Variants in BTBD9 observed in about 807,000 individuals in gnomAD.
The protein encoded by BTBD9 is BTB domain containing 9.
In BTBD9, 49 loss-of-function variants were observed where a neutral mutation model predicts 64.3. The ratio of observed to expected loss-of-function variants is 0.76; its 90% CI spans 0.61 to 0.97. The LOEUF (loss-of-function observed/expected upper bound fraction) is 0.97, where lower values mean the gene tolerates loss of function less well. BTBD9 is among the 50% of genes least tolerant of loss of function. The pLI, the probability that BTBD9 is intolerant of heterozygous loss-of-function variation, is 0.00. For synonymous variants in BTBD9, 260 were observed against 274.7 expected, an observed-to-expected ratio of 0.95 and a Z score of 0.53; for missense variants, 598 against 762.1, an observed-to-expected ratio of 0.78 and a Z score of 2.53.
chr6:38,493,290 G>A (rs1771785310), intron 6 of BTBD9, among the ~76,000 whole-genome samples: 2 of 152,176 alleles, frequency 1.3e-5, no homozygotes, highest in Admixed American at 1.3e-4. Context: ...CGTGTTACCT[G>A]GTTTTGACTT....
chr6:38,590,924 T>C (rs1582684220), intron 4 of BTBD9, among the ~76,000 whole-genome samples: 2 of 152,222 alleles, frequency 1.3e-5, no homozygotes, highest in Admixed American at 6.5e-5. Flanking sequence ...TTTTTTTCCA[T>C]TGTATCCGTT....
At chr6:38,195,628 G>C (rs1287818488) in intron 9 of BTBD9, among the ~76,000 whole-genome samples, 2 of 152,236 alleles carry the variant, frequency 1.3e-5, no homozygotes, top group South Asian at 2.1e-4. Context: ...AATAACACCA[G>C]TCACCTGCTC....
At chr6:38,302,519 ATAT>A (rs1250261195) in intron 7 of BTBD9, among the ~76,000 whole-genome samples, 6 of 109,614 alleles carry the variant, frequency 5.5e-5, no homozygotes, top group African/African-American at 1.3e-4. Flanking sequence ...ATATATATAT[ATAT>A]ATCACATTCT....
At chr6:38,324,969 G>A (rs1376742645) in intron 7 of BTBD9, among the ~76,000 whole-genome samples, 1 of 152,124 alleles carries the variant, frequency 6.6e-6, no homozygotes, top group African/African-American at 2.4e-5. Flanking sequence ...TTGTGAGACT[G>A]TTGCAAGGGT....
At chr6:38,287,511 A>G (rs913564269) in intron 8 of BTBD9, among the ~76,000 whole-genome samples, 13 of 152,192 alleles carry the variant, frequency 8.5e-5, no homozygotes, top group Admixed American at 7.2e-4. Context: ...GTTCAGATAC[A>G]CAAATACTTA....
At chr6:38,244,933 C>T (rs531648156) in intron 9 of BTBD9, among the ~76,000 whole-genome samples, 1 of 152,354 alleles carries the variant, frequency 6.6e-6, no homozygotes, top group Non-Finnish European at 1.5e-5. Flanking sequence ...ATAAACTCTT[C>T]CTTGCGCTTT....
At chr6:38,327,017 T>C (rs779700684) in intron 7 of BTBD9, among the ~76,000 whole-genome samples, 5 of 152,206 alleles carry the variant, frequency 3.3e-5, no homozygotes, top group Admixed American at 2.0e-4. Context: ...CACAGCTTCA[T>C]GGAAAACAAC....
chr6:38,353,337 A>C (rs1021504940), intron 6 of BTBD9, among the ~76,000 whole-genome samples: 1 of 151,792 alleles, frequency 6.6e-6, no homozygotes, highest in Non-Finnish European at 1.5e-5. Flanking sequence ...TGTAATTTTC[A>C]AGGGATTATA....
intron 8 of BTBD9, among the ~76,000 whole-genome samples, chr6:38,267,214 G>T (rs1255882194): frequency 6.6e-6 from 1 of 152,210 alleles, no homozygotes; most frequent in African/African-American, 2.4e-5. Flanking sequence ...AATGTAAAAG[G>T]CCAGAATCAG....
chr6:38,623,042 C>T (rs1194088442), intron 1 of BTBD9, among the ~76,000 whole-genome samples: 1 of 152,186 alleles, frequency 6.6e-6, no homozygotes, highest in South Asian at 2.1e-4. Context: ...TCCCAACACC[C>T]CTTTCCAGCC....
intron 6 of BTBD9, among the ~76,000 whole-genome samples, chr6:38,564,009 C>G (rs1372177963): frequency 3.9e-5 from 6 of 152,078 alleles, no homozygotes; most frequent in African/African-American, 1.2e-4. Flanking sequence ...GTATCAATCT[C>G]CTGACCTTGT....
intron 6 of BTBD9, among the ~76,000 whole-genome samples, chr6:38,493,225 G>A (rs750255755): frequency 4.8e-4 from 73 of 152,330 alleles, no homozygotes; most frequent in Middle Eastern, 6.8e-3. Flanking sequence ...ACACAGAACT[G>A]TAATAGGTAG....
At position 38,311,496 on chromosome 6, in the gene BTBD9, G is replaced by A. The variant is rs547229546; in HGVS notation, c.1265-23035C>T. Among the ~76,000 whole-genome samples, 25 of 152,220 alleles carry A rather than the reference G, an allele frequency of 1.6e-4. No individual in the cohort carries two copies. In the East Asian group the frequency reaches 1.9e-3, roughly 12 times the overall value. On this transcript the variant is annotated intron_variant, in intron 7 of 10. Coordinates refer to ENST00000481247, the MANE Select transcript of BTBD9 (RefSeq NM_001099272.2). ...ATTCATCTATTGATGGAGACTTAACGTTGCTTCCAAATCTTGGCTATTGTG... is the reference window on the plus strand; with the variant it reads ...ATTCATCTATTGATGGAGACTTAACATTGCTTCCAAATCTTGGCTATTGTG...
chr6:38,333,535 C>A (rs1162516646), intron 7 of BTBD9, among the ~76,000 whole-genome samples: 1 of 152,154 alleles, frequency 6.6e-6, no homozygotes, highest in African/African-American at 2.4e-5. Context: ...CAGACCTCCC[C>A]TTTGCTGTTT....
At chr6:38,341,532 TA>T (rs1764098775) in intron 7 of BTBD9, among the ~76,000 whole-genome samples, 1 of 152,206 alleles carries the variant, frequency 6.6e-6, no homozygotes, top group Non-Finnish European at 1.5e-5. Flanking sequence ...AAAGTGAATT[TA>T]AACACAAGAT....
intron 6 of BTBD9, among the ~76,000 whole-genome samples, chr6:38,362,647 C>T (rs13193103): frequency 0.18 from 26,628 of 152,150 alleles, 2,459 homozygotes; most frequent in Non-Finnish European, 0.2. Context: ...GACAGTGTTT[C>T]TTTCTTCAAA....
chr6:38,483,763 C>G (rs1227458474), intron 6 of BTBD9, among the ~76,000 whole-genome samples: 1 of 152,210 alleles, frequency 6.6e-6, no homozygotes, highest in African/African-American at 2.4e-5. Context: ...GCCTGGAACA[C>G]TTCTCCCTTA....
At chr6:38,557,945 T>A (rs1052384057) in intron 6 of BTBD9, among the ~76,000 whole-genome samples, 2 of 152,150 alleles carry the variant, frequency 1.3e-5, no homozygotes, top group African/African-American at 2.4e-5. Flanking sequence ...GAAATGAAGA[T>A]AATAAATAAG....
chr6:38,183,301 GAAAC>G (rs1301589539), intron 10 of BTBD9, among the ~76,000 whole-genome samples: 1 of 152,190 alleles, frequency 6.6e-6, no homozygotes, highest in Non-Finnish European at 1.5e-5. Context: ...TTATAATTAT[GAAAC>G]AAACTAAATA....
Sources: allele counts gnomAD v4.1 joint callset (sites outside exome capture counted in the v4.1 genomes callset), GRCh38; gene constraint gnomAD v4.1.1; transcripts MANE v1.5; gene names NCBI Gene and HGNC (gene_info 2026-07-23, HGNC 2026-07-21).